The following SPHKAP variants were observed in gnomAD, a reference collection of about 807,000 sequenced individuals.
SPHKAP encodes the protein SPHK1 interactor, AKAP domain containing.
Under a neutral mutation model 137.5 loss-of-function variants are expected in SPHKAP, and 67 were observed. That is an observed-to-expected ratio of 0.49 (90% CI 0.40 to 0.60). The LOEUF (loss-of-function observed/expected upper bound fraction) is 0.60. SPHKAP is among the 20% of genes least tolerant of loss of function. The pLI is 0.00. For synonymous variants in SPHKAP, 813 were observed against 785.3 expected (o/e 1.04, Z -0.59); for missense variants, 2,097 against 2,069.3 (o/e 1.01, Z -0.26).
chr2:228,092,325 A>ACACG (rs1491429386), intron 3 of SPHKAP, among the ~76,000 whole-genome samples: 1 of 104,994 alleles, frequency 9.5e-6, no homozygotes, highest in Non-Finnish European at 2.0e-5. Flanking sequence ...GTGTATACGT[A>ACACG]CACACACACG....
intron 1 of SPHKAP, among the ~76,000 whole-genome samples, chr2:228,168,067 C>G (rs1434127118): frequency 6.6e-6 from 1 of 152,012 alleles, no homozygotes; most frequent in Non-Finnish European, 1.5e-5. Context: ...AGCATTCTAT[C>G]TTATTATATA....
chr2:228,147,423 T>C (rs1699806789), intron 1 of SPHKAP, among the ~76,000 whole-genome samples: 1 of 152,184 alleles, frequency 6.6e-6, no homozygotes, highest in Non-Finnish European at 1.5e-5. Flanking sequence ...TTAAAACCAG[T>C]AGAATTAATG....
chr2:228,059,168 C>T (rs1696550054), intron 3 of SPHKAP, among the ~76,000 whole-genome samples: 2 of 152,258 alleles, frequency 1.3e-5, no homozygotes, highest in Middle Eastern at 3.4e-3. Context: ...CTGGATGCAC[C>T]ATGGTTTGTT....
chr2:228,179,139 G>T (rs10188661), intron 1 of SPHKAP, among the ~76,000 whole-genome samples: 20,461 of 152,008 alleles, frequency 0.13, 1,390 homozygotes, highest in East Asian at 0.2. Context: ...TTTCTCTAAT[G>T]ATTAAGTAGA....
At chr2:228,012,222 T>C (rs1468780117) in intron 7 of SPHKAP, among the ~76,000 whole-genome samples, 1 of 151,478 alleles carries the variant, frequency 6.6e-6, no homozygotes, top group African/African-American at 2.4e-5. Context: ...TGCATTGTTA[T>C]TTATTACATT....
intron 3 of SPHKAP, among the ~76,000 whole-genome samples, chr2:228,092,648 G>A (rs1169921152): frequency 2.1e-5 from 3 of 146,064 alleles, no homozygotes; most frequent in Non-Finnish European, 3.0e-5. Context: ...GTGTATATAT[G>A]TATATACATA....
rs1199984721 is a variant in SPHKAP, at chr2:228,018,903, C to G, written c.1951G>C (p.Ala651Pro). The stretch of plus-strand genomic sequence containing the variant: ...GAGCACAGGGTCTGAGACTTTGAAG[C>G]AGTTTCCATGATTCTCCTGTTCATG... ...DSMNRRIMET[A>P]SKSQTLCSEN... Residue 651 changes from alanine to proline, a missense_variant, in exon 7 of 12, where the codon GCT becomes CCT. Ala to Pro is a conservative substitution (Grantham distance 27). Transcript: ENST00000392056. 1.2e-6 allele frequency: 2 copies of G among 1,614,132 alleles called. No homozygotes were observed. The highest frequency in any genetic ancestry group is 8.5e-7 in the Non-Finnish European group (1 of 1,179,994).
At chr2:228,068,523 A>C (rs548035312) in intron 3 of SPHKAP, among the ~76,000 whole-genome samples, 17 of 152,346 alleles carry the variant, frequency 1.1e-4, no homozygotes, top group African/African-American at 4.1e-4. Flanking sequence ...ATCGTGGCCT[A>C]AAAACAGATA....
intron 3 of SPHKAP, among the ~76,000 whole-genome samples, chr2:228,034,260 A>T (rs1472917545): frequency 1.1e-4 from 16 of 152,350 alleles, no homozygotes; most frequent in South Asian, 4.1e-4. Flanking sequence ...ACCTCTACGC[A>T]AATAAACTAG....
At chr2:228,069,484 T>C (rs1243814830) in intron 3 of SPHKAP, among the ~76,000 whole-genome samples, 1 of 148,586 alleles carries the variant, frequency 6.7e-6, no homozygotes, top group African/African-American at 2.5e-5. Context: ...GGGGTCTCAC[T>C]CTGTTGCTCA....
chr2:228,092,323 G>A (rs13386351), intron 3 of SPHKAP, among the ~76,000 whole-genome samples: 19,789 of 102,084 alleles, frequency 0.19, 1,619 homozygotes, highest in Middle Eastern at 0.32. Flanking sequence ...GTGTGTATAC[G>A]TACACACACA....
intron 1 of SPHKAP, among the ~76,000 whole-genome samples, chr2:228,161,405 G>C (rs12479323): frequency 6.6e-6 from 1 of 152,210 alleles, no homozygotes; most frequent in Admixed American, 6.5e-5. Flanking sequence ...TGCTGCATGA[G>C]TTTCAGCCAT....
At chr2:227,998,859 G>A (rs865816998) in intron 7 of SPHKAP, among the ~76,000 whole-genome samples, 45 of 152,082 alleles carry the variant, frequency 3.0e-4, no homozygotes, top group African/African-American at 1.1e-3. Flanking sequence ...ATATATTTCT[G>A]CAGAGAACTC....
chr2:228,045,763 G>GA (rs894765890), intron 3 of SPHKAP, among the ~76,000 whole-genome samples: 6 of 151,028 alleles, frequency 4.0e-5, no homozygotes, highest in Admixed American at 6.6e-5. Context: ...ATAAAAAAAA[G>GA]AAAAAAAATA....
intron 3 of SPHKAP, among the ~76,000 whole-genome samples, chr2:228,056,518 C>G (rs895329137): frequency 6.6e-6 from 1 of 150,838 alleles, no homozygotes; most frequent in Non-Finnish European, 1.5e-5. Flanking sequence ...TTCTTTCTGA[C>G]TTGAGAGGTT....
At chr2:228,093,386 C>A (rs1697867678) in intron 3 of SPHKAP, among the ~76,000 whole-genome samples, 1 of 152,074 alleles carries the variant, frequency 6.6e-6, no homozygotes, top group East Asian at 1.9e-4. Context: ...CAATGCAAAC[C>A]TTCCTCAACT....
intron 3 of SPHKAP, among the ~76,000 whole-genome samples, chr2:228,043,978 TAGATA>T (rs1366709185): frequency 6.6e-6 from 1 of 152,174 alleles, no homozygotes; most frequent in Non-Finnish European, 1.5e-5. Context: ...TATTTTAGAA[TAGATA>T]AAAGATAATT....
At chr2:227,992,433 G>A (rs2106163318) in intron 9 of SPHKAP, among the ~76,000 whole-genome samples, 1 of 152,298 alleles carries the variant, frequency 6.6e-6, no homozygotes, top group Non-Finnish European at 1.5e-5. Context: ...TGCTGACCAT[G>A]GAGGTGATTG....
intron 3 of SPHKAP, among the ~76,000 whole-genome samples, chr2:228,069,848 C>T (rs186789449): frequency 0.011 from 1,674 of 152,260 alleles, 13 homozygotes; most frequent in Admixed American, 0.017. Flanking sequence ...GGTCCTACTG[C>T]CATTGTCACA....
Sources: gnomAD v4.1 joint callset for allele counts (sites outside exome capture counted in the v4.1 genomes callset) on GRCh38, gnomAD v4.1.1 for gene constraint, MANE v1.5 for transcripts, NCBI Gene and HGNC (gene_info 2026-07-23, HGNC 2026-07-21) for gene names.